Variants in MAGI2 observed in about 807,000 individuals in gnomAD.
MAGI2 encodes the protein membrane associated guanylate kinase, WW and PDZ domain containing 2.
A neutral mutation model predicts 133.3 loss-of-function variants in MAGI2; 35 were observed. The observed-to-expected ratio is 0.26, with a 90% CI of 0.20 to 0.35. The LOEUF is 0.35. Among genes scored for constraint, MAGI2 ranks in the 10% least tolerant of loss-of-function variants. The probability of loss-of-function intolerance (pLI) is 1.00; values close to 1 mark genes in which losing one functional copy is unlikely to be tolerated. For missense variants in MAGI2, 1,636 were observed against 1,863.4 expected (o/e 0.88, Z 2.25); for synonymous variants, 729 against 710.6 (o/e 1.03, Z -0.41).
chr7:78,799,566 T>C (rs978009950), intron 2 of MAGI2, among the ~76,000 whole-genome samples: 1 of 152,190 alleles, frequency 6.6e-6, no homozygotes, highest in African/African-American at 2.4e-5. Flanking sequence ...TATAGATTTG[T>C]TCCACTTGGG....
chr7:78,878,820 C>T (rs1795625715), intron 2 of MAGI2, among the ~76,000 whole-genome samples: 1 of 152,152 alleles, frequency 6.6e-6, no homozygotes, highest in South Asian at 2.1e-4. Context: ...GAAGCACCTG[C>T]TCACCTGGAC....
chr7:78,297,654 A>G (rs2151062590), intron 9 of MAGI2, among the ~76,000 whole-genome samples: 1 of 152,006 alleles, frequency 6.6e-6, no homozygotes, highest in East Asian at 1.9e-4. Flanking sequence ...CAGCCATAAA[A>G]AATGATTAGT....
chr7:78,593,090 G>A (rs1416530026), intron 3 of MAGI2, among the ~76,000 whole-genome samples: 1 of 150,992 alleles, frequency 6.6e-6, no homozygotes, highest in Non-Finnish European at 1.5e-5. Context: ...CAAATTGCTA[G>A]GATTACGGGC....
intron 9 of MAGI2, among the ~76,000 whole-genome samples, chr7:78,333,349 G>A (rs1789426243): frequency 6.6e-6 from 1 of 152,154 alleles, no homozygotes; most frequent in South Asian, 2.1e-4. Flanking sequence ...ACAAACACAG[G>A]GAACTCTGAA....
chr7:78,144,495 G>C (rs981052728), intron 16 of MAGI2, among the ~76,000 whole-genome samples: 1 of 152,116 alleles, frequency 6.6e-6, no homozygotes, highest in Non-Finnish European at 1.5e-5. Flanking sequence ...TCACTGAAGC[G>C]TTTATGATTT....
intron 2 of MAGI2, among the ~76,000 whole-genome samples, chr7:78,815,077 A>G (rs1789443948): frequency 6.6e-6 from 1 of 152,124 alleles, no homozygotes; most frequent in South Asian, 2.1e-4. Flanking sequence ...TTCTATATAT[A>G]TATGTCCCAA....
At chr7:79,194,452 G>T (rs1181599923) in intron 1 of MAGI2, among the ~76,000 whole-genome samples, 2 of 151,846 alleles carry the variant, frequency 1.3e-5, no homozygotes, top group Non-Finnish European at 2.9e-5. Context: ...GCATTTTCAT[G>T]TATACACAGG....
At chr7:78,821,983 A>C (rs771375444) in intron 2 of MAGI2, among the ~76,000 whole-genome samples, 105 of 152,166 alleles carry the variant, frequency 6.9e-4, no homozygotes, top group Non-Finnish European at 1.1e-3. Flanking sequence ...CAATCAAAAT[A>C]TACATTTTAA....
chr7:78,691,700 C>T (rs1585100693), intron 2 of MAGI2, among the ~76,000 whole-genome samples: 1 of 151,850 alleles, frequency 6.6e-6, no homozygotes, highest in African/African-American at 2.4e-5. Flanking sequence ...CAGTGGTAGG[C>T]AAAACTATGG....
intron 3 of MAGI2, among the ~76,000 whole-genome samples, chr7:78,611,269 A>G (rs1054013840): frequency 2.6e-5 from 4 of 152,204 alleles, no homozygotes; most frequent in Non-Finnish European, 5.9e-5. Context: ...GCATTTCTTT[A>G]TAACAGGCCA....
At chr7:78,109,303 CAAAAAAA>C (rs71085511) in intron 20 of MAGI2, among the ~76,000 whole-genome samples, 7 of 19,948 alleles carry the variant, frequency 3.5e-4, no homozygotes, top group African/African-American at 6.0e-4. Context: ...GACTCCGTCT[CAAAAAAA>C]AAAAAAAAAA....
intron 2 of MAGI2, among the ~76,000 whole-genome samples, chr7:78,679,200 T>G (rs2151090886): frequency 6.6e-6 from 1 of 152,276 alleles, no homozygotes; most frequent in South Asian, 2.1e-4. Context: ...TTCTCCTCCT[T>G]TCCCTTCTCT....
intron 2 of MAGI2, among the ~76,000 whole-genome samples, chr7:78,823,322 G>A (rs921728161): frequency 1.3e-5 from 2 of 151,990 alleles, no homozygotes; most frequent in Non-Finnish European, 2.9e-5. Context: ...GGTGGCTCAC[G>A]CCTGTAATCC....
At chr7:78,292,381 G>A (rs1280413866) in intron 9 of MAGI2, among the ~76,000 whole-genome samples, 1 of 152,148 alleles carries the variant, frequency 6.6e-6, no homozygotes, top group Admixed American at 6.5e-5. Flanking sequence ...TACAAGGGAT[G>A]TGAAGGACCT....
chr7:78,930,955 C>T (rs1035957343), intron 2 of MAGI2, among the ~76,000 whole-genome samples: 1 of 151,968 alleles, frequency 6.6e-6, no homozygotes, highest in African/African-American at 2.4e-5. Context: ...AATGCCACTG[C>T]GAAACGAATT....
At chr7:79,090,002 TA>T (rs996788738) in intron 1 of MAGI2, among the ~76,000 whole-genome samples, 406 of 150,120 alleles carry the variant, frequency 2.7e-3, no homozygotes, top group African/African-American at 8.8e-3. Context: ...TAAAGTATAA[TA>T]AAAAAAAAGA....
chr7:78,276,721 CTT>C (rs1795098907), intron 9 of MAGI2, among the ~76,000 whole-genome samples: 1 of 152,028 alleles, frequency 6.6e-6, no homozygotes, highest in Non-Finnish European at 1.5e-5. Flanking sequence ...ACAATATCAT[CTT>C]TATTTTCAGT....
chr7:78,434,583 G>A (rs1800103241), intron 6 of MAGI2, among the ~76,000 whole-genome samples: 1 of 152,078 alleles, frequency 6.6e-6, no homozygotes, highest in South Asian at 2.1e-4. Flanking sequence ...GGGAGAGAAG[G>A]ACAAACAGGG....
intron 2 of MAGI2, among the ~76,000 whole-genome samples, chr7:78,852,092 C>T (rs1237797530): frequency 1.3e-5 from 2 of 151,952 alleles, no homozygotes; most frequent in East Asian, 3.9e-4. Flanking sequence ...TTAAGATAAA[C>T]TGTTTATATT....
Sources: allele counts gnomAD v4.1 joint callset (sites outside exome capture counted in the v4.1 genomes callset), GRCh38; gene constraint gnomAD v4.1.1; transcripts MANE v1.5; gene names NCBI Gene and HGNC (gene_info 2026-07-23, HGNC 2026-07-21).